The following WASF1 variants were observed in gnomAD, a reference collection of about 807,000 sequenced individuals.
WASF1 encodes actin-binding protein WASF1.
In WASF1, 7 loss-of-function variants were observed where a neutral mutation model predicts 50.5. That is an observed-to-expected ratio of 0.14 (90% confidence interval 0.08 to 0.26). The LOEUF is 0.26. Ranked by LOEUF, WASF1 falls within the 10% of genes least tolerant of loss-of-function variation. WASF1 has a pLI of 1.00. For synonymous variants in WASF1, 205 were observed against 244.0 expected, an observed-to-expected ratio of 0.84 and a Z score of 1.49; for missense variants, 470 against 694.7, an observed-to-expected ratio of 0.68 and a Z score of 3.64.
chr6:110,139,587 T>C (rs1396989461), intron 3 of WASF1, among the ~76,000 whole-genome samples: 1 of 152,198 alleles, frequency 6.6e-6, no homozygotes, highest in African/African-American at 2.4e-5. Flanking sequence ...TTCTTTCAAT[T>C]ATCTTAGGTT....
chr6:110,116,392 G>A (rs1773807469), intron 4 of WASF1, among the ~76,000 whole-genome samples: 1 of 152,244 alleles, frequency 6.6e-6, no homozygotes, highest in Non-Finnish European at 1.5e-5. Context: ...TCCCATGCCT[G>A]GCTCGGCGGG....
chr6:110,140,074 A>T (rs949986369), intron 3 of WASF1, among the ~76,000 whole-genome samples: 1 of 152,172 alleles, frequency 6.6e-6, no homozygotes, highest in African/African-American at 2.4e-5. Flanking sequence ...CTGAAAGACA[A>T]ATGCATGATT....
At chr6:110,141,494 C>T (rs1411678251) in intron 3 of WASF1, among the ~76,000 whole-genome samples, 1 of 152,132 alleles carries the variant, frequency 6.6e-6, no homozygotes, top group African/African-American at 2.4e-5. Context: ...CTTTGATGCC[C>T]TCAACATGGA....
chr6:110,133,704 G>A (rs1200172946), intron 3 of WASF1, among the ~76,000 whole-genome samples: 3 of 151,872 alleles, frequency 2.0e-5, no homozygotes, highest in Non-Finnish European at 4.4e-5. Context: ...GTTTATTCAT[G>A]TCCTTAGACT....
At chr6:110,119,961 G>A (rs117056893) in intron 4 of WASF1, among the ~76,000 whole-genome samples, 1 of 152,128 alleles carries the variant, frequency 6.6e-6, no homozygotes, top group South Asian at 2.1e-4. Flanking sequence ...CTCAATAGCT[G>A]CAGAAAAGGC....
intron 3 of WASF1, among the ~76,000 whole-genome samples, chr6:110,129,624 A>G (rs1774572567): frequency 6.7e-6 from 1 of 148,818 alleles, no homozygotes; most frequent in Admixed American, 6.6e-5. Context: ...AATTTAAAAG[A>G]AAGGAGTGTG....
chr6:110,154,687 ATT>A, intron 3 of WASF1, among the ~76,000 whole-genome samples: 1 of 152,238 alleles, frequency 6.6e-6, no homozygotes, highest in African/African-American at 2.4e-5. Context: ...CCTGAATATA[ATT>A]ACCTTTGATT....
intron 9 of WASF1, 34 bp downstream of exon 9, chr6:110,103,344 T>C: frequency 6.3e-7 from 1 of 1,596,602 alleles, no homozygotes; most frequent in East Asian, 2.2e-5. Flanking sequence ...TACTGACTCC[T>C]AAGATAAAAC....
chr6:110,124,561 A>G (rs1774338096), intron 4 of WASF1, among the ~76,000 whole-genome samples: 1 of 151,966 alleles, frequency 6.6e-6, no homozygotes, highest in South Asian at 2.1e-4. Context: ...GGTTTGTGGT[A>G]ATTACCTAAT....
intron 2 of WASF1, among the ~76,000 whole-genome samples, chr6:110,161,687 C>T (rs945948904): frequency 1.3e-5 from 2 of 151,504 alleles, no homozygotes; most frequent in Non-Finnish European, 3.0e-5. Context: ...CAGCAAAAAA[C>T]TGGGGAGAAA....
At chr6:110,159,400 C>T (rs1005341405) in intron 3 of WASF1, among the ~76,000 whole-genome samples, 6 of 151,858 alleles carry the variant, frequency 4.0e-5, no homozygotes, top group African/African-American at 1.5e-4. Flanking sequence ...AGGGGATAAC[C>T]GTGTGACACT....
At chr6:110,132,587 A>G (rs1029634720) in intron 3 of WASF1, among the ~76,000 whole-genome samples, 1 of 151,790 alleles carries the variant, frequency 6.6e-6, no homozygotes, top group Non-Finnish European at 1.5e-5. Flanking sequence ...ATTTGGGTGC[A>G]TGTATAAGTT....
At chr6:110,107,264 C>T in intron 6 of WASF1, 70 bp from the exon 7 acceptor site, 1 of 1,042,280 alleles carries the variant, frequency 9.6e-7, no homozygotes, top group Non-Finnish European at 1.4e-6. Flanking sequence ...AATAATTTCA[C>T]TAAAATGTTT....
intron 2 of WASF1, among the ~76,000 whole-genome samples, chr6:110,175,657 C>T (rs888796326): frequency 1.3e-5 from 2 of 152,148 alleles, no homozygotes; most frequent in Non-Finnish European, 2.9e-5. Context: ...TAAAGTCACG[C>T]AGAAGACTGC....
intron 3 of WASF1, among the ~76,000 whole-genome samples, chr6:110,144,871 G>A (rs1489317516): frequency 6.6e-5 from 10 of 152,220 alleles, no homozygotes; most frequent in African/African-American, 1.9e-4. Context: ...GCCTTGTAGT[G>A]TAGTTTGAAG....
intron 2 of WASF1, among the ~76,000 whole-genome samples, chr6:110,165,237 T>C (rs1019972826): frequency 1.3e-5 from 2 of 151,724 alleles, no homozygotes; most frequent in African/African-American, 4.8e-5. Context: ...ACAAATGTAC[T>C]ATTCTGGTAC....
chr6:110,113,326 ATTC>A lies in WASF1; in HGVS notation c.265_267del (p.Glu89del). The A allele has an allele frequency of 1.3e-6, 2 of 1,554,908 alleles. No individual in the cohort carries two copies. The highest frequency in any genetic ancestry group is 1.7e-6 in the Non-Finnish European group (2 of 1,154,780). The stretch of plus-strand genomic sequence containing the variant: ...GAAAATACAATATTAATAAGCTTAC[ATTC>A]TTCTTCCTTTGGATCAAGCTGTGTA... On this transcript the variant is annotated inframe_deletion and splice_region_variant, in exon 5 of 11. Transcript: ENST00000392589.
intron 2 of WASF1, among the ~76,000 whole-genome samples, chr6:110,173,708 T>C (rs1776810449): frequency 6.6e-6 from 1 of 152,186 alleles, no homozygotes; most frequent in South Asian, 2.1e-4. Context: ...TCTGCTTCTT[T>C]GCACTCTTTG....
At chr6:110,134,319 T>C (rs983056035) in intron 3 of WASF1, among the ~76,000 whole-genome samples, 14 of 152,218 alleles carry the variant, frequency 9.2e-5, no homozygotes, top group Non-Finnish European at 2.1e-4. Context: ...CAGAGTGTCC[T>C]TTCCCCACTT....
Sources: allele counts gnomAD v4.1 joint callset (sites outside exome capture counted in the v4.1 genomes callset), GRCh38; gene constraint gnomAD v4.1.1; transcripts MANE v1.5; gene names NCBI Gene and HGNC (gene_info 2026-07-23, HGNC 2026-07-21).